Variants in KCND2 observed in about 807,000 individuals in gnomAD.
KCND2 encodes potassium voltage-gated channel subfamily D member 2, also known as A-type voltage-gated potassium channel KCND2.
A neutral mutation model predicts 54.4 loss-of-function variants in KCND2; 16 were observed. The observed-to-expected ratio is 0.29, with a 90% CI of 0.20 to 0.45. KCND2 has a LOEUF of 0.45. Ranked by LOEUF, KCND2 falls within the 20% of genes least tolerant of loss-of-function variation. The pLI, the probability that KCND2 is intolerant of heterozygous loss-of-function variation, is 1.00. For missense variants in KCND2, 486 were observed against 824.2 expected (o/e 0.59, Z 5.02); for synonymous variants, 317 against 310.7 (o/e 1.02, Z -0.21).
At chr7:120,490,229 A>G (rs1222840824) in intron 1 of KCND2, among the ~76,000 whole-genome samples, 1 of 133,544 alleles carries the variant, frequency 7.5e-6, no homozygotes, top group East Asian at 2.6e-4. Flanking sequence ...AATTTCCTTG[A>G]TATTTAGCGT....
chr7:120,684,631 G>A (rs1190334325), intron 1 of KCND2, among the ~76,000 whole-genome samples: 6 of 152,056 alleles, frequency 3.9e-5, no homozygotes, highest in Admixed American at 1.3e-4. Flanking sequence ...AGGGCTCCTC[G>A]ATTACCCTAT....
intron 1 of KCND2, among the ~76,000 whole-genome samples, chr7:120,553,005 A>T (rs775265960): frequency 6.6e-6 from 1 of 152,200 alleles, no homozygotes; most frequent in Non-Finnish European, 1.5e-5. Flanking sequence ...AAGCTAATTA[A>T]CGTATCCATC....
At chr7:120,677,964 CA>C (rs1792087532) in intron 1 of KCND2, among the ~76,000 whole-genome samples, 1 of 151,922 alleles carries the variant, frequency 6.6e-6, no homozygotes, top group African/African-American at 2.4e-5. Context: ...ATACTTTAAT[CA>C]ATGTTGCATC....
chr7:120,711,062 A>C (rs143054430), intron 1 of KCND2, among the ~76,000 whole-genome samples: 123 of 152,164 alleles, frequency 8.1e-4, no homozygotes, highest in Middle Eastern at 3.4e-3. Context: ...TATTTTCTTA[A>C]ATTACATTAC....
At chr7:120,528,260 G>T (rs802369) in intron 1 of KCND2, among the ~76,000 whole-genome samples, 37,391 of 151,872 alleles carry the variant, frequency 0.25, 8,108 homozygotes, top group African/African-American at 0.57. Context: ...TAATATAAAA[G>T]TAAATTTTAA....
intron 1 of KCND2, among the ~76,000 whole-genome samples, chr7:120,699,473 G>A (rs1792374127): frequency 6.6e-6 from 1 of 152,090 alleles, no homozygotes; most frequent in East Asian, 1.9e-4. Flanking sequence ...GACTAACAGT[G>A]GAGTGGGAAT....
chr7:120,704,166 A>G (rs1162384016), intron 1 of KCND2, among the ~76,000 whole-genome samples: 1 of 152,208 alleles, frequency 6.6e-6, no homozygotes, highest in Non-Finnish European at 1.5e-5. Context: ...GATAAAGACT[A>G]TTACCTTTAT....
At chr7:120,298,469 C>T (rs1018817254) in intron 1 of KCND2, among the ~76,000 whole-genome samples, 43 of 152,132 alleles carry the variant, frequency 2.8e-4, no homozygotes, top group Admixed American at 2.0e-3. Flanking sequence ...TTGATGTGTT[C>T]ATGATTTTAA....
intron 1 of KCND2, among the ~76,000 whole-genome samples, chr7:120,590,076 G>A (rs986469360): frequency 3.9e-5 from 6 of 151,964 alleles, no homozygotes; most frequent in East Asian, 1.9e-4. Context: ...GTGCAATGGC[G>A]GCGAACTCGA....
chr7:120,576,918 G>A (rs538536495), intron 1 of KCND2, among the ~76,000 whole-genome samples: 10 of 152,218 alleles, frequency 6.6e-5, no homozygotes, highest in African/African-American at 1.7e-4. Context: ...AGGCCAAGGC[G>A]GGCTGATTGC....
chr7:120,694,200 A>C (rs571216587), intron 1 of KCND2, among the ~76,000 whole-genome samples: 13 of 152,278 alleles, frequency 8.5e-5, no homozygotes, highest in Admixed American at 4.6e-4. Flanking sequence ...AATTGTCTTC[A>C]TTTCCCAGAA....
At chr7:120,510,724 A>G (rs1803100855) in intron 1 of KCND2, among the ~76,000 whole-genome samples, 1 of 152,014 alleles carries the variant, frequency 6.6e-6, no homozygotes, top group Non-Finnish European at 1.5e-5. Flanking sequence ...ACTGATTTTT[A>G]GAAGGGTTTA....
chr7:120,275,570 TG>T lies in KCND2; in HGVS notation c.942del (p.Tyr315ThrfsTer3), dbSNP rs1311932152. On this transcript the variant is annotated frameshift_variant, in exon 1 of 6. Transcript: ENST00000331113. LOFTEE classifies it high-confidence loss of function. The stretch of plus-strand genomic sequence containing the variant: ...CGCCACTCTCAAGGCCTGCGCATCC[TG>T]GGGTACACACTGAAGAGTTGTGCCT... ...FSRHSQGLRI[L>X]GYTLKSCASE... 6.2e-7 allele frequency: 1 copy of T among 1,613,808 alleles called. No homozygotes were observed.
At chr7:120,335,529 C>T (rs1800137881) in intron 1 of KCND2, among the ~76,000 whole-genome samples, 1 of 150,008 alleles carries the variant, frequency 6.7e-6, no homozygotes, top group Non-Finnish European at 1.5e-5. Flanking sequence ...CTCTGTCGCC[C>T]AGGCTGGAGT....
intron 1 of KCND2, among the ~76,000 whole-genome samples, chr7:120,708,109 T>C (rs914037209): frequency 1.3e-5 from 2 of 152,060 alleles, no homozygotes; most frequent in South Asian, 2.1e-4. Context: ...AAGTGACAAC[T>C]CAAAGAGCAG....
intron 1 of KCND2, among the ~76,000 whole-genome samples, chr7:120,697,925 C>G (rs1792351184): frequency 6.6e-6 from 1 of 151,172 alleles, no homozygotes; most frequent in Non-Finnish European, 1.5e-5. Flanking sequence ...CATCACATCA[C>G]TATATGTATT....
intron 3 of KCND2, 77 bp from the exon 4 acceptor site, chr7:120,742,433 C>A: frequency 8.8e-7 from 1 of 1,142,150 alleles, no homozygotes; most frequent in Non-Finnish European, 1.3e-6. Flanking sequence ...GCAGATCTCT[C>A]TGTGGAAATA....
chr7:120,680,368 T>C (rs115619251), intron 1 of KCND2, among the ~76,000 whole-genome samples: 3,274 of 152,228 alleles, frequency 0.022, 101 homozygotes, highest in African/African-American at 0.072. Flanking sequence ...TATTCCTACA[T>C]GCACATGTGA....
At chr7:120,572,144 A>C (rs896329034) in intron 1 of KCND2, among the ~76,000 whole-genome samples, 1 of 150,578 alleles carries the variant, frequency 6.6e-6, no homozygotes, top group Admixed American at 6.6e-5. Context: ...GGATGGAGCT[A>C]GTGCTTGCCT....
Sources: allele counts gnomAD v4.1 joint callset (sites outside exome capture counted in the v4.1 genomes callset), GRCh38; gene constraint gnomAD v4.1.1; transcripts MANE v1.5; gene names NCBI Gene and HGNC (gene_info 2026-07-23, HGNC 2026-07-21).